FBN1: variants seen among roughly 807,000 people sequenced by gnomAD.
The protein encoded by FBN1 is fibrillin 1, also known as fibrillin-1.
Under a neutral mutation model 365.1 loss-of-function variants are expected in FBN1, and 29 were observed. That is an observed-to-expected ratio of 0.08 (90% CI 0.06 to 0.11). The LOEUF (loss-of-function observed/expected upper bound fraction) is 0.11, where lower values mean the gene tolerates loss of function less well. Ranked by LOEUF, FBN1 falls within the 10% of genes least tolerant of loss-of-function variation. The pLI is 1.00. For missense variants in FBN1, 2,476 were observed against 3,703.2 expected, an observed-to-expected ratio of 0.67 and a Z score of 8.60; for synonymous variants, 1,210 against 1,270.5, an observed-to-expected ratio of 0.95 and a Z score of 1.01.
chr15:48,485,022 T>G (rs1001628698), intron 30 of FBN1, among the ~76,000 whole-genome samples: 1 of 152,174 alleles, frequency 6.6e-6, no homozygotes, highest in Non-Finnish European at 1.5e-5. Context: ...TAACAAGTTC[T>G]CAGGTGATGC....
Position 48,460,239 on chromosome 15 carries a change from G to A in FBN1, c.5296+7C>T, listed in dbSNP as rs1000421938. ...CAGAAAGTTCTGACAATGCCGTCAT[G>A]ACTCACCAACGGGTAAACCGGTATA... On this transcript the variant is annotated splice_region_variant and intron_variant, in intron 43 of 65. Transcript: ENST00000316623. 1 of 1,610,576 alleles carries A rather than the reference G, an allele frequency of 6.2e-7. No homozygotes were observed. The highest frequency in any genetic ancestry group is 1.1e-5 in the South Asian group (1 of 90,996).
intron 2 of FBN1, among the ~76,000 whole-genome samples, chr15:48,622,420 C>A (rs1483311201): frequency 2.6e-5 from 4 of 152,172 alleles, no homozygotes; most frequent in Non-Finnish European, 5.9e-5. Flanking sequence ...TGATGTTTCC[C>A]GGTTGCTAAG....
intron 58 of FBN1, among the ~76,000 whole-genome samples, chr15:48,426,801 C>G (rs2042982461): frequency 6.6e-6 from 1 of 152,140 alleles, no homozygotes; most frequent in Non-Finnish European, 1.5e-5. Flanking sequence ...TGCTTTTGGT[C>G]ACTCCATCTT....
intron 6 of FBN1, among the ~76,000 whole-genome samples, chr15:48,548,014 A>G (rs542693620): frequency 7.9e-5 from 12 of 152,348 alleles, no homozygotes; most frequent in Admixed American, 6.5e-4. Context: ...CAGCAGCACC[A>G]AAACCCGATT....
chr15:48,544,123 T>C (rs2044078453), intron 6 of FBN1, among the ~76,000 whole-genome samples: 1 of 152,118 alleles, frequency 6.6e-6, no homozygotes, highest in South Asian at 2.1e-4. Context: ...ATAATAAAAT[T>C]TCAGGGGAAA....
chr15:48,550,183 A>T (rs1037181533), intron 6 of FBN1, among the ~76,000 whole-genome samples: 1 of 152,356 alleles, frequency 6.6e-6, no homozygotes, highest in East Asian at 1.9e-4. Flanking sequence ...ATCATGAACC[A>T]TTCAGACGCC....
chr15:48,457,982 C>A (rs2043253445), intron 43 of FBN1, among the ~76,000 whole-genome samples: 1 of 152,184 alleles, frequency 6.6e-6, no homozygotes, highest in Non-Finnish European at 1.5e-5. Context: ...CTAATACAAT[C>A]TTCACAGAAC....
At chr15:48,567,603 A>C (rs1228726826) in intron 6 of FBN1, among the ~76,000 whole-genome samples, 2 of 152,174 alleles carry the variant, frequency 1.3e-5, no homozygotes, top group East Asian at 1.9e-4. Context: ...TATAAAAAGA[A>C]GTATTCACCA....
In FBN1 at chr15:48,504,006, G is replaced by C. The variant is rs2043687617; in HGVS notation, c.1961-67C>G. ...ACAGATGAGAACCCCCCAAGTCAAA[G>C]TTGAAGAGGGCTTTATTTATCCATC... On this transcript the variant is annotated intron_variant, in intron 16 of 65. Coordinates refer to ENST00000316623, the MANE Select transcript of FBN1 (RefSeq NM_000138.5). The C allele has an allele frequency of 1.9e-6, 3 of 1,579,830 alleles. No homozygotes were observed. The East Asian group carries it at 6.7e-5, about 35-fold the overall frequency.
At chr15:48,577,784 G>A (rs1488874880) in intron 6 of FBN1, among the ~76,000 whole-genome samples, 1 of 152,126 alleles carries the variant, frequency 6.6e-6, no homozygotes, top group African/African-American at 2.4e-5. Flanking sequence ...ACGAATTAAT[G>A]TAAGTTAGGA....
intron 60 of FBN1, 98 bp downstream of exon 60, chr15:48,425,271 G>A: frequency 2.6e-6 from 4 of 1,525,306 alleles, no homozygotes; most frequent in South Asian, 1.1e-5. Context: ...CCTGCCTGTA[G>A]AGCAGGTCTT....
chr15:48,465,292 G>A (rs1424054217), intron 40 of FBN1, among the ~76,000 whole-genome samples: 2 of 152,142 alleles, frequency 1.3e-5, no homozygotes, highest in Non-Finnish European at 2.9e-5. Flanking sequence ...GAAGAGCATG[G>A]AAAAATATTT....
At chr15:48,493,216 C>G (rs1038014769) in intron 23 of FBN1, among the ~76,000 whole-genome samples, 1 of 152,116 alleles carries the variant, frequency 6.6e-6, no homozygotes, top group African/African-American at 2.4e-5. Flanking sequence ...ACCAGTCCTT[C>G]CCAGTTTGCC....
intron 10 of FBN1, among the ~76,000 whole-genome samples, chr15:48,520,007 T>C (rs570567667): frequency 6.6e-6 from 1 of 152,328 alleles, no homozygotes; most frequent in South Asian, 2.1e-4. Flanking sequence ...GCATTCATTG[T>C]GTACAACATG....
At chr15:48,477,013 T>A (rs1028040838) in intron 32 of FBN1, among the ~76,000 whole-genome samples, 1 of 152,126 alleles carries the variant, frequency 6.6e-6, no homozygotes, top group African/African-American at 2.4e-5. Context: ...TTAACTGACT[T>A]ATAGAAATAC....
chr15:48,618,155 A>G (rs1440193171), intron 2 of FBN1, among the ~76,000 whole-genome samples: 1 of 152,122 alleles, frequency 6.6e-6, no homozygotes, highest in Non-Finnish European at 1.5e-5. Flanking sequence ...CCCTCACACA[A>G]CAAAGGACAC....
intron 6 of FBN1, among the ~76,000 whole-genome samples, chr15:48,590,110 T>C (rs1388465618): frequency 3.9e-5 from 6 of 152,202 alleles, no homozygotes; most frequent in Admixed American, 3.9e-4. Flanking sequence ...ACTTTAGTGA[T>C]AGCCACCTAC....
Position 48,644,694 on chromosome 15 carries a change from C to A in FBN1, c.76G>T (p.Asp26Tyr). Residue 26 changes from aspartate to tyrosine, a missense_variant, in exon 2 of 66, where the codon GAC (aspartate) becomes TAC (tyrosine). Around this residue, in one of 5 missense-constraint regions of FBN1, gnomAD observed 76 missense variants for 85.4 expected, o/e 0.89. Coordinates refer to ENST00000316623, the MANE Select transcript of FBN1 (RefSeq NM_000138.5). ...ACGTTCCCAGCCTCCAAATTGGCGT[C>A]CGCCCCATGGCTCGTGTAGGACGCT... ...LLASYTSHGA[D>Y]ANLEAGNVKE... is the part of the protein sequence containing the mutation. 6.2e-7 allele frequency: 1 copy of A among 1,614,198 alleles called. No homozygotes were observed.
Position 48,505,284 on chromosome 15 carries a change from G to A in FBN1, c.1838-137C>T, listed in dbSNP as rs995762563. On this transcript the variant is annotated intron_variant, in intron 15 of 65. Coordinates refer to ENST00000316623, the MANE Select transcript of FBN1 (RefSeq NM_000138.5). ...CAGCATCAGCAACAAAAGCTCAAAT[G>A]GCATTCTCATTTTCCTTTGAAAGAA... 24 of 994,112 alleles carry A rather than the reference G, an allele frequency of 2.4e-5. No homozygotes were observed. The East Asian group carries it at 5.7e-4, about 24-fold the overall frequency. 61.6% of individuals were successfully genotyped at this position (994,112 alleles called of 1,614,324 possible).
Sources: gnomAD v4.1 joint callset for allele counts (sites outside exome capture counted in the v4.1 genomes callset) on GRCh38, gnomAD v4.1.1 for gene constraint, gnomAD v4.1.1 regional missense constraint, MANE v1.5 for transcripts, NCBI Gene and HGNC (gene_info 2026-07-23, HGNC 2026-07-21) for gene names.